GNAL: variants seen among roughly 807,000 people sequenced by gnomAD.
The protein encoded by GNAL is G protein subunit alpha L, also known as guanine nucleotide-binding protein G(olf) subunit alpha.
Under a neutral mutation model 55.1 loss-of-function variants are expected in GNAL, and 18 were observed. The ratio of observed to expected loss-of-function variants is 0.33; its 90% CI spans 0.23 to 0.48. The LOEUF is 0.48. GNAL is among the 20% of genes least tolerant of loss of function. The pLI is 0.99. For missense variants in GNAL, 412 were observed against 614.1 expected (o/e 0.67, Z 3.48); for synonymous variants, 253 against 237.0 (o/e 1.07, Z -0.62).
At chr18:11,826,459 C>G (rs2035249857) in intron 5 of GNAL, among the ~76,000 whole-genome samples, 1 of 152,024 alleles carries the variant, frequency 6.6e-6, no homozygotes, top group Non-Finnish European at 1.5e-5. Context: ...GGCCAGACAC[C>G]CCCAGGGCTG....
At chr18:11,760,782 A>AG (rs972940178) in intron 4 of GNAL, among the ~76,000 whole-genome samples, 1 of 152,122 alleles carries the variant, frequency 6.6e-6, no homozygotes, top group Non-Finnish European at 1.5e-5. Context: ...GTATCTTGAA[A>AG]GGGGGTCTTA....
chr18:11,867,091 CAA>C (rs1343709048), intron 7 of GNAL, 75 bp from the exon 8 acceptor site: 1 of 1,144,630 alleles, frequency 8.7e-7, no homozygotes, highest in East Asian at 2.3e-5. Context: ...CTGCTGATAG[CAA>C]AAGAGGAAAG....
intron 4 of GNAL, among the ~76,000 whole-genome samples, chr18:11,811,687 T>C (rs2034821091): frequency 6.6e-6 from 1 of 152,216 alleles, no homozygotes; most frequent in South Asian, 2.1e-4. Flanking sequence ...AGCAAGAATA[T>C]AGCAAGCCCA....
chr18:11,777,097 G>A (rs1258080323), intron 4 of GNAL, among the ~76,000 whole-genome samples: 1 of 152,214 alleles, frequency 6.6e-6, no homozygotes, highest in Non-Finnish European at 1.5e-5. Flanking sequence ...TGATATGTAT[G>A]AATAAATGCA....
intron 1 of GNAL, among the ~76,000 whole-genome samples, chr18:11,740,300 C>T (rs113051708): frequency 1.1e-4 from 16 of 152,150 alleles, no homozygotes; most frequent in African/African-American, 3.9e-4. Context: ...TAACAGTGTT[C>T]CAGGTTTAGC....
intron 4 of GNAL, among the ~76,000 whole-genome samples, chr18:11,774,883 A>C (rs2161960): frequency 0.45 from 68,951 of 152,060 alleles, 19,930 homozygotes; most frequent in African/African-American, 0.83. Context: ...TATATTTCTA[A>C]GTCTTATTGA....
chr18:11,816,063 G>T (rs1389437084), intron 4 of GNAL, among the ~76,000 whole-genome samples: 1 of 152,092 alleles, frequency 6.6e-6, no homozygotes, highest in Non-Finnish European at 1.5e-5. Flanking sequence ...AAAACAATTT[G>T]ACAATTTTTA....
At chr18:11,719,669 A>C (rs2032049073) in intron 1 of GNAL, among the ~76,000 whole-genome samples, 1 of 152,204 alleles carries the variant, frequency 6.6e-6, no homozygotes, top group Non-Finnish European at 1.5e-5. Flanking sequence ...AATCCAGCAC[A>C]CCTACTATTC....
At chr18:11,865,553 C>T (rs184396921) in intron 7 of GNAL, among the ~76,000 whole-genome samples, 2 of 144,640 alleles carry the variant, frequency 1.4e-5, no homozygotes, top group East Asian at 4.0e-4. Flanking sequence ...TGTTCAAGAC[C>T]AGCCTGGGCA....
chr18:11,829,923 T>C (rs1206319792), intron 5 of GNAL, among the ~76,000 whole-genome samples: 1 of 152,126 alleles, frequency 6.6e-6, no homozygotes, highest in African/African-American at 2.4e-5. Context: ...GGCAGGAGAA[T>C]TGCTTGAACC....
intron 1 of GNAL, among the ~76,000 whole-genome samples, chr18:11,706,322 C>T (rs1223769559): frequency 6.6e-6 from 1 of 151,168 alleles, no homozygotes; most frequent in Non-Finnish European, 1.5e-5. Context: ...CACATCATGT[C>T]TTAAAAAAAA....
intron 4 of GNAL, among the ~76,000 whole-genome samples, chr18:11,799,923 G>C (rs1366432132): frequency 6.6e-6 from 1 of 151,752 alleles, no homozygotes; most frequent in Non-Finnish European, 1.5e-5. Context: ...ACTCTTCACT[G>C]TCTTTCCCTC....
rs2037090325 is a variant in GNAL, at chr18:11,885,567, G to C, written c.*4432G>C. On this transcript the variant is annotated 3_prime_UTR_variant, in exon 12 of 12. Transcript: ENST00000334049. ...GCTACGTGTAGAAGGAGAGAAATTT[G>C]TGTGTGGCTTTTGTAAATTTTGACC... is the stretch of plus-strand genomic sequence containing the variant. The C allele has an allele frequency of 2.2e-6, 3 of 1,348,062 alleles. No homozygotes were observed. Among genetic ancestry groups the C allele is most frequent in the Admixed American group, 4.0e-5 (2 of 50,072 alleles). 83.5% of individuals were successfully genotyped at this position (1,348,062 alleles called of 1,614,324 possible).
rs60460793 is a variant in GNAL at position 11,825,729 on chromosome 18, CAAAAAA to C, written c.722+729_722+734del. ...CTGGGCGACAGATGAGACTCTGTCT[CAAAAAA>C]AAAAAAAAAAAAAAGGAAAAGGACA... On this transcript the variant is annotated intron_variant, in intron 5 of 11. Transcript: ENST00000334049. Among the ~76,000 whole-genome samples, 11 of 76,932 alleles carry C rather than the reference CAAAAAA, an allele frequency of 1.4e-4. No homozygotes were observed. In the East Asian group the frequency reaches 3.1e-3, roughly 21 times the overall value. The allele number at this position is 76,932 out of a possible 152,430, so 50.5% of individuals were successfully genotyped here.
At chr18:11,871,169 A>G (rs1462878371) in intron 9 of GNAL, among the ~76,000 whole-genome samples, 1 of 152,044 alleles carries the variant, frequency 6.6e-6, no homozygotes, top group Non-Finnish European at 1.5e-5. Flanking sequence ...GTTTTTACAA[A>G]GGTTATATAT....
intron 1 of GNAL, among the ~76,000 whole-genome samples, chr18:11,743,387 C>T (rs2032621235): frequency 6.6e-6 from 1 of 151,506 alleles, no homozygotes; most frequent in Admixed American, 6.6e-5. Flanking sequence ...CTTTTTGCTC[C>T]AAATCAAGGG....
chr18:11,874,854 C>T (rs1294291155), intron 10 of GNAL, among the ~76,000 whole-genome samples: 3 of 140,712 alleles, frequency 2.1e-5, no homozygotes, highest in African/African-American at 2.8e-5. Context: ...ACAGCAGGTG[C>T]TGCGCCCTCC....
intron 4 of GNAL, among the ~76,000 whole-genome samples, chr18:11,771,921 AT>A (rs2033648373): frequency 6.6e-6 from 1 of 151,952 alleles, no homozygotes; most frequent in African/African-American, 2.4e-5. Context: ...AGGTTTCGCC[AT>A]GTTGGCCAGC....
At chr18:11,822,276 T>TC (rs961974013) in intron 4 of GNAL, among the ~76,000 whole-genome samples, 9 of 150,686 alleles carry the variant, frequency 6.0e-5, no homozygotes, top group African/African-American at 1.9e-4. Context: ...TCCCTTCCCA[T>TC]CCCCCCCACC....
Sources: gnomAD v4.1 joint callset for allele counts (sites outside exome capture counted in the v4.1 genomes callset) on GRCh38, gnomAD v4.1.1 for gene constraint, MANE v1.5 for transcripts, NCBI Gene and HGNC (gene_info 2026-07-23, HGNC 2026-07-21) for gene names.